BSN: variants seen among roughly 807,000 people sequenced by gnomAD.
BSN encodes the protein protein bassoon.
Under a neutral mutation model 264.8 loss-of-function variants are expected in BSN, and 57 were observed. The ratio of observed to expected loss-of-function variants is 0.22; its 90% confidence interval spans 0.17 to 0.27. The LOEUF is 0.27. Among genes scored for constraint, BSN ranks in the 10% least tolerant of loss-of-function variants. BSN has a pLI of 1.00. For synonymous variants in BSN, 2,059 were observed against 2,137.3 expected (o/e 0.96, Z 1.01); for missense variants, 4,615 against 5,232.5 (o/e 0.88, Z 3.64).
chr3:49,656,932 A>AGCAGCAGCT lies in BSN; in HGVS notation c.7385_7393dup (p.Leu2462_Gln2464dup). On this transcript the variant is annotated inframe_insertion, in exon 5 of 12. Coordinates refer to ENST00000296452, the MANE Select transcript of BSN (RefSeq NM_003458.4). The stretch of plus-strand genomic sequence containing the variant: ...CAGCTGGAGCAGATCCAGCAGCTGC[A>AGCAGCAGCT]GCAGCAGCTGCAGCAGCAGCTAGAG... 1.9e-6 allele frequency: 3 copies of AGCAGCAGCT among 1,598,642 alleles called. No homozygotes were observed. The highest frequency in any genetic ancestry group is 2.6e-6 in the Non-Finnish European group (3 of 1,171,442).
chr3:49,572,873 T>C (rs1263776823), intron 1 of BSN, among the ~76,000 whole-genome samples: 1 of 152,130 alleles, frequency 6.6e-6, no homozygotes, highest in Non-Finnish European at 1.5e-5. Context: ...CTCAGCTGTG[T>C]GTGCAGAAGA....
Position 49,655,367 on chromosome 3 carries a change from C to A in BSN, c.5811C>A (p.Ser1937Arg). 6.3e-7 allele frequency: 1 copy of A among 1,590,932 alleles called. No individual in the cohort carries two copies. Residue 1937 changes from serine to arginine, a missense_variant, in exon 5 of 12, where the codon AGC becomes AGA. Ser to Arg is a moderately radical substitution (Grantham distance 110, BLOSUM62 -1). Around this residue, in one of 3 missense-constraint regions of BSN, gnomAD observed 3,415 missense variants for 3,866.4 expected, o/e 0.88. Transcript: ENST00000296452. ...SMADAAPPGQSSSPFYGPRDP... is the reference protein window; with the variant it reads ...SMADAAPPGQRSSPFYGPRDP... ...CAGATGCTGCCCCACCTGGCCAAAG[C>A]AGCAGCCCCTTCTATGGTCCCCGGG...
intron 1 of BSN, among the ~76,000 whole-genome samples, chr3:49,623,457 G>A (rs1011543405): frequency 3.3e-5 from 5 of 152,244 alleles, no homozygotes; most frequent in Non-Finnish European, 5.9e-5. Context: ...TTGGGTCAAA[G>A]GAGAAGGAAT....
At position 49,658,331 on chromosome 3, in the gene BSN, G is replaced by C. The variant is rs569356402; in HGVS notation, c.8640+135G>C. ...CAGAGGCCCAGGGGAAAGAGTCAAT[G>C]AGCAGATGCTCCCTGGTGCACATCT... On this transcript the variant is annotated intron_variant, in intron 5 of 11. Coordinates refer to ENST00000296452, the MANE Select transcript of BSN (RefSeq NM_003458.4). 114 of 1,087,756 alleles carry C rather than the reference G, an allele frequency of 1.0e-4. 1 individual carries two copies. The African/African-American group carries it at 1.5e-3, about 14-fold the overall frequency. The allele number at this position is 1,087,756 out of a possible 1,614,324, so 67.4% of individuals were successfully genotyped here.
At chr3:49,592,213 G>A (rs564781288) in intron 1 of BSN, among the ~76,000 whole-genome samples, 5 of 151,450 alleles carry the variant, frequency 3.3e-5, no homozygotes, top group South Asian at 2.1e-4. Context: ...GGGTTCAAGC[G>A]ATTCTCCTGC....
chr3:49,583,946 T>C (rs1375417112), intron 1 of BSN, among the ~76,000 whole-genome samples: 1 of 152,194 alleles, frequency 6.6e-6, no homozygotes, highest in Non-Finnish European at 1.5e-5. Context: ...CGATCTCGGC[T>C]CACTGCAAGC....
intron 2 of BSN, among the ~76,000 whole-genome samples, chr3:49,636,351 C>T (rs1195731039): frequency 1.3e-5 from 2 of 152,044 alleles, no homozygotes; most frequent in East Asian, 1.9e-4. Flanking sequence ...TCCAAGGGTC[C>T]AGCCTCTCCT....
rs1003614808 is a variant in BSN at position 49,655,331 on chromosome 3, G to C, written c.5775G>C (p.Glu1925Asp). The C allele has an allele frequency of 6.2e-7, 1 of 1,607,886 alleles. No individual in the cohort carries two copies. The highest frequency in any genetic ancestry group is 1.3e-5 in the African/African-American group (1 of 74,898). ...TCCACCCGGCCCCCAGTGTGCCTGA[G>C]AAGAGCATGGCAGATGCTGCCCCAC... ...GTFHPAPSVPEKSMADAAPPG... is the reference protein window; with the variant it reads ...GTFHPAPSVPDKSMADAAPPG... Residue 1925 changes from glutamate to aspartate, a missense_variant, in exon 5 of 12, where the codon GAG becomes GAC. Transcript: ENST00000296452.
At position 49,662,506 on chromosome 3, in the gene BSN, A is replaced by G; in HGVS notation, c.10661A>G (p.Lys3554Arg). Reference sequence around the variant, plus strand: ...GACGGACCTCGGGCCCACGCATATAAGCGTGAGGAGGGCTACATCCTGGAT... The same window carrying G: ...GACGGACCTCGGGCCCACGCATATAGGCGTGAGGAGGGCTACATCCTGGAT... The part of the protein sequence containing the change: ...VKDGPRAHAY[K>R]REEGYILDDS... Residue 3554 changes from lysine to arginine, a missense_variant, in exon 6 of 12, where the codon AAG becomes AGG. Physicochemically the swap from Lys to Arg is conservative, Grantham distance 26 (BLOSUM62 2). Transcript: ENST00000296452. 1 of 1,611,838 alleles carries G rather than the reference A, an allele frequency of 6.2e-7. No individual in the cohort carries two copies. Among genetic ancestry groups the G allele is most frequent in the Non-Finnish European group, 8.5e-7 (1 of 1,179,304 alleles).
chr3:49,591,648 A>C (rs2051978582), intron 1 of BSN, among the ~76,000 whole-genome samples: 1 of 151,986 alleles, frequency 6.6e-6, no homozygotes, highest in Non-Finnish European at 1.5e-5. Flanking sequence ...CCCAGGCTGT[A>C]GTGCAGTGGC....
chr3:49,663,612 A>C lies in BSN; in HGVS notation c.11454A>C (p.Ala3818=). 1.2e-6 allele frequency: 2 copies of C among 1,609,278 alleles called. No individual in the cohort carries two copies. Among genetic ancestry groups the C allele is most frequent in the South Asian group, 2.2e-5 (2 of 90,674 alleles). Residue 3818 remains alanine, a synonymous_variant, in exon 7 of 12, where the codon GCA becomes GCC. Coordinates refer to ENST00000296452, the MANE Select transcript of BSN (RefSeq NM_003458.4). ...RGSAPAASQP[A]GKPQPGPSTA... is the part of the protein sequence containing the mutation. ...CAGCCCCTGCTGCCAGCCAGCCTGC[A>C]GGGAAGCCTCAGCCAGGCCCCAGCA...
In BSN at chr3:49,653,205, C is replaced by A. The variant is rs556474480; in HGVS notation, c.3649C>A (p.Gln1217Lys). 1.2e-6 allele frequency: 2 copies of A among 1,611,072 alleles called. No homozygotes were observed. Among genetic ancestry groups the A allele is most frequent in the Admixed American group, 3.4e-5 (2 of 59,502 alleles). ...GARGPHGGPS[Q>K]PTGPRGLGSF... ...CCGGGGACCCCATGGCGGCCCCTCT[C>A]AGCCCACAGGCCCCCGGGGCCTGGG... Residue 1217 changes from glutamine to lysine, a missense_variant, in exon 5 of 12, where the codon CAG (glutamine) becomes AAG (lysine). Transcript: ENST00000296452. This position sits in a 1 kb window ranked among gnomAD's most constrained non-coding sequence, Gnocchi z 6.3.
Position 49,670,007 on chromosome 3 carries a change from T to A in BSN, c.*2522T>A. ...GGTCCGCATTTCTCATGCTTTTCTA[T>A]AAGATCTACACACCCCTTCAGAGAG... is the stretch of plus-strand genomic sequence containing the variant. On this transcript the variant is annotated 3_prime_UTR_variant, in exon 12 of 12. Transcript: ENST00000296452. 8.0e-6 allele frequency: 1 copy of A among 125,648 alleles called. No homozygotes were observed. The highest frequency in any genetic ancestry group is 3.0e-5 in the African/African-American group (1 of 33,214). 7.8% of individuals were successfully genotyped at this position (125,648 alleles called of 1,614,324 possible).
intron 1 of BSN, among the ~76,000 whole-genome samples, chr3:49,603,842 T>G (rs781481126): frequency 1.3e-5 from 2 of 152,160 alleles, no homozygotes; most frequent in Non-Finnish European, 2.9e-5. Context: ...AAGCAGTTGC[T>G]CCCCATTTTC....
intron 1 of BSN, among the ~76,000 whole-genome samples, chr3:49,608,528 C>T (rs1219802804): frequency 6.6e-6 from 1 of 152,102 alleles, no homozygotes; most frequent in African/African-American, 2.4e-5. Flanking sequence ...TTTCATAAGC[C>T]TTATAAAAAA....
At chr3:49,617,785 A>T (rs1192756134) in intron 1 of BSN, among the ~76,000 whole-genome samples, 2 of 152,084 alleles carry the variant, frequency 1.3e-5, no homozygotes, top group African/African-American at 4.8e-5. Context: ...ACAGACAGTT[A>T]TGACCCCTGG....
intron 1 of BSN, among the ~76,000 whole-genome samples, chr3:49,595,923 A>T (rs1458882842): frequency 1.3e-5 from 2 of 152,016 alleles, no homozygotes; most frequent in Non-Finnish European, 2.9e-5. Flanking sequence ...TTTAAATATT[A>T]AAAAAAAGAA....
intron 1 of BSN, 111 bp downstream of exon 1, chr3:49,554,937 A>C: frequency 3.3e-6 from 2 of 601,130 alleles, no homozygotes; most frequent in Non-Finnish European, 2.3e-6. Context: ...GTCCGGCCGC[A>C]CTCTGAACCC....
At chr3:49,606,135 C>CGTATATATTATATATACGT (rs1559603416) in intron 1 of BSN, among the ~76,000 whole-genome samples, 1 of 21,252 alleles carries the variant, frequency 4.7e-5, no homozygotes, top group Non-Finnish European at 8.3e-5. Context: ...ATTATATATA[C>CGTATATATTATATATACGT]ATATATTATA....
Sources: gnomAD v4.1 joint callset for allele counts (sites outside exome capture counted in the v4.1 genomes callset) on GRCh38, gnomAD v4.1.1 for gene constraint, gnomAD v4.1.1 regional missense constraint, Gnocchi (gnomAD v3.1) non-coding constraint, MANE v1.5 for transcripts, NCBI Gene and HGNC (gene_info 2026-07-23, HGNC 2026-07-21) for gene names.